The following NLGN1 variants were observed in gnomAD, a reference collection of about 807,000 sequenced individuals.
NLGN1 encodes the protein neuroligin-1.
In NLGN1, 12 loss-of-function variants were observed where a neutral mutation model predicts 65.5. The ratio of observed to expected loss-of-function variants is 0.18; its 90% CI spans 0.12 to 0.30. NLGN1 has a LOEUF of 0.30. Among genes scored for constraint, NLGN1 ranks in the 10% least tolerant of loss-of-function variants. NLGN1 has a pLI of 1.00. For missense variants in NLGN1, 750 were observed against 1,007.1 expected (o/e 0.74, Z 3.46); for synonymous variants, 350 against 359.5 (o/e 0.97, Z 0.30).
chr3:174,010,206 T>C (rs1319629219), intron 4 of NLGN1, among the ~76,000 whole-genome samples: 2 of 152,182 alleles, frequency 1.3e-5, no homozygotes, highest in Admixed American at 1.3e-4. Context: ...TCTATAATGC[T>C]TTAGGCCAAC....
intron 4 of NLGN1, among the ~76,000 whole-genome samples, chr3:173,917,592 C>A (rs1740995607): frequency 1.3e-5 from 2 of 151,998 alleles, no homozygotes; most frequent in African/African-American, 4.8e-5. Flanking sequence ...TCCTTCTTTG[C>A]CTCTATATTT....
At chr3:173,881,547 C>G (rs1304833935) in intron 4 of NLGN1, among the ~76,000 whole-genome samples, 1 of 151,726 alleles carries the variant, frequency 6.6e-6, no homozygotes, top group East Asian at 1.9e-4. Flanking sequence ...GCCTCAGCCT[C>G]CCGAGTAGCT....
chr3:173,584,532 GTTC>G (rs1289813641), intron 2 of NLGN1: 5 of 147,160 alleles, frequency 3.4e-5, no homozygotes, highest in African/African-American at 1.3e-4. Context: ...TTATGAAATT[GTTC>G]TTCTGGACAT....
At chr3:173,698,259 G>T (rs557530115) in intron 3 of NLGN1, among the ~76,000 whole-genome samples, 80 of 152,178 alleles carry the variant, frequency 5.3e-4, no homozygotes, top group African/African-American at 1.8e-3. Flanking sequence ...TTTTTTCCAA[G>T]AATTAGAAAT....
At chr3:173,711,465 T>C (rs1768970527) in intron 3 of NLGN1, among the ~76,000 whole-genome samples, 1 of 152,156 alleles carries the variant, frequency 6.6e-6, no homozygotes, top group African/African-American at 2.4e-5. Flanking sequence ...AACTAGGATT[T>C]AGGGTTTAAA....
chr3:173,696,040 G>C (rs1219868613), intron 3 of NLGN1, among the ~76,000 whole-genome samples: 1 of 152,068 alleles, frequency 6.6e-6, no homozygotes, highest in African/African-American at 2.4e-5. Flanking sequence ...TTTAACTCCT[G>C]AGCTCAAGCA....
intron 4 of NLGN1, among the ~76,000 whole-genome samples, chr3:174,054,213 T>C (rs2152507419): frequency 6.6e-6 from 1 of 152,196 alleles, no homozygotes; most frequent in East Asian, 1.9e-4. Context: ...ACCTAGTATC[T>C]AGCTTGGAGC....
At chr3:174,231,103 G>A (rs1740619892) in intron 4 of NLGN1, among the ~76,000 whole-genome samples, 1 of 152,176 alleles carries the variant, frequency 6.6e-6, no homozygotes, top group African/African-American at 2.4e-5. Flanking sequence ...GGATACCTTG[G>A]AGGTTAGAAG....
intron 4 of NLGN1, among the ~76,000 whole-genome samples, chr3:173,928,102 C>A (rs1414216640): frequency 6.6e-6 from 1 of 152,144 alleles, no homozygotes; most frequent in Non-Finnish European, 1.5e-5. Flanking sequence ...TGTGATTATT[C>A]TTAACAACTT....
chr3:173,881,279 G>C (rs1377455957), intron 4 of NLGN1, among the ~76,000 whole-genome samples: 3 of 149,550 alleles, frequency 2.0e-5, no homozygotes, highest in African/African-American at 7.4e-5. Context: ...TTGTATTTTT[G>C]CTAGAGACGA....
chr3:173,702,238 CAA>C (rs67328889), intron 3 of NLGN1, among the ~76,000 whole-genome samples: 3,440 of 89,796 alleles, frequency 0.038, 124 homozygotes, highest in African/African-American at 0.11. Flanking sequence ...GACTCCGTCT[CAA>C]AAAAAAAAAA....
intron 2 of NLGN1, among the ~76,000 whole-genome samples, chr3:173,594,104 G>C (rs558602193): frequency 6.6e-6 from 1 of 152,070 alleles, no homozygotes; most frequent in Non-Finnish European, 1.5e-5. Context: ...TCATGTCCTC[G>C]CATTTCAAAA....
intron 4 of NLGN1, among the ~76,000 whole-genome samples, chr3:174,162,499 T>A (rs1726739507): frequency 6.6e-6 from 1 of 151,984 alleles, no homozygotes; most frequent in Non-Finnish European, 1.5e-5. Flanking sequence ...ATCATTATGT[T>A]TGTTCTGCTT....
chr3:173,670,516 T>A (rs537774287), intron 3 of NLGN1, among the ~76,000 whole-genome samples: 20 of 152,152 alleles, frequency 1.3e-4, no homozygotes, highest in Non-Finnish European at 2.8e-4. Context: ...TATAAGTTAT[T>A]GGTGGTTTTT....
intron 4 of NLGN1, among the ~76,000 whole-genome samples, chr3:173,970,770 C>G (rs1716051565): frequency 6.6e-6 from 1 of 152,062 alleles, no homozygotes; most frequent in African/African-American, 2.4e-5. Context: ...AAAATACTTG[C>G]CTGGTACATC....
intron 2 of NLGN1, among the ~76,000 whole-genome samples, chr3:173,563,767 T>C (rs1271544207): frequency 6.6e-6 from 1 of 152,160 alleles, no homozygotes; most frequent in Non-Finnish European, 1.5e-5. Context: ...CCTCACCGCC[T>C]CTATTACATC....
intron 4 of NLGN1, among the ~76,000 whole-genome samples, chr3:173,982,853 A>C (rs1341216122): frequency 6.6e-6 from 1 of 152,150 alleles, no homozygotes; most frequent in Non-Finnish European, 1.5e-5. Context: ...TGGCTAAAAA[A>C]GTTTTGTTGT....
chr3:173,827,675 A>C (rs550122854), intron 4 of NLGN1, among the ~76,000 whole-genome samples: 16 of 130,300 alleles, frequency 1.2e-4, no homozygotes, highest in Admixed American at 8.0e-4. Context: ...GAATGAGATA[A>C]ATAACATTTA....
At chr3:173,520,905 C>T (rs1734653936) in intron 2 of NLGN1, among the ~76,000 whole-genome samples, 2 of 152,200 alleles carry the variant, frequency 1.3e-5, no homozygotes, top group South Asian at 4.2e-4. Flanking sequence ...GTGGCCACCT[C>T]GGTTGGCAGC....
Sources: gnomAD v4.1 joint callset for allele counts (sites outside exome capture counted in the v4.1 genomes callset) on GRCh38, gnomAD v4.1.1 for gene constraint, MANE v1.5 for transcripts, NCBI Gene and HGNC (gene_info 2026-07-23, HGNC 2026-07-21) for gene names.